The following GNAO1 variants were observed in gnomAD, a reference collection of about 807,000 sequenced individuals.
GNAO1 encodes guanine nucleotide-binding protein G(o) subunit alpha.
For synonymous variants in GNAO1, 164 were observed against 180.7 expected (o/e 0.91, Z 0.74); for missense variants, 166 against 478.7 (o/e 0.35, Z 6.10).
At chr16:56,349,550 G>A (rs1342578950) in intron 6 of GNAO1, among the ~76,000 whole-genome samples, 1 of 152,228 alleles carries the variant, frequency 6.6e-6, no homozygotes, top group Non-Finnish European at 1.5e-5. Flanking sequence ...CTCCTCCCCG[G>A]AGGGATCACA....
chr16:56,339,338 G>A (rs187944141), intron 6 of GNAO1, among the ~76,000 whole-genome samples: 27 of 152,318 alleles, frequency 1.8e-4, no homozygotes, highest in East Asian at 1.4e-3. Context: ...ATGGACCACC[G>A]GGCTAAAAGC....
intron 6 of GNAO1, chr16:56,346,208 C>G: frequency 2.0e-6 from 2 of 984,936 alleles, no homozygotes; most frequent in African/African-American, 3.5e-5. Flanking sequence ...GTGCATGACA[C>G]CTGTCATCCA....
intron 2 of GNAO1, among the ~76,000 whole-genome samples, chr16:56,225,496 T>C (rs754922942): frequency 2.6e-5 from 4 of 152,028 alleles, no homozygotes; most frequent in Non-Finnish European, 5.9e-5. Context: ...CTAGCAGAAA[T>C]TGTTTGGGCT....
chr16:56,338,052 C>T (rs541588862), intron 6 of GNAO1, among the ~76,000 whole-genome samples: 2 of 152,290 alleles, frequency 1.3e-5, no homozygotes, highest in Non-Finnish European at 1.5e-5. Context: ...TCTGTTTCCT[C>T]GTCATTTCTG....
chr16:56,341,009 G>T, intron 6 of GNAO1: 1 of 1,605,162 alleles, frequency 6.2e-7, no homozygotes, highest in Non-Finnish European at 8.5e-7. Context: ...TCCAGGGACA[G>T]CAGGCCCCCG....
chr16:56,340,631 C>A, intron 6 of GNAO1: 1 of 615,268 alleles, frequency 1.6e-6, no homozygotes, highest in East Asian at 2.6e-5. Context: ...CCGCCCCGCC[C>A]TGCCTGCGTG....
At chr16:56,346,711 G>A (rs1336107058) in intron 6 of GNAO1, 13 of 985,550 alleles carry the variant, frequency 1.3e-5, no homozygotes, top group Non-Finnish European at 1.4e-5. Context: ...CTGCCAGGAC[G>A]CAGCTGTCTC....
At chr16:56,228,794 CA>C (rs148406430) in intron 2 of GNAO1, among the ~76,000 whole-genome samples, 2,639 of 152,318 alleles carry the variant, frequency 0.017, 48 homozygotes, top group South Asian at 0.052. Context: ...ACTTTAAGAC[CA>C]CCCTATGTAA....
chr16:56,355,125 TACACACAC>T (rs59437828), intron 8 of GNAO1, 44 bp downstream of exon 8: 119 of 556,274 alleles, frequency 2.1e-4, no homozygotes, highest in Middle Eastern at 1.6e-3. Context: ...TGCGCGCGCA[TACACACAC>T]ACACACACAC....
intron 3 of GNAO1, among the ~76,000 whole-genome samples, chr16:56,297,323 C>G (rs955074835): frequency 1.3e-5 from 2 of 152,140 alleles, no homozygotes; most frequent in African/African-American, 4.8e-5. Context: ...CATGAGCCGG[C>G]ACCACCTTGA....
chr16:56,296,216 G>A (rs1391601413), intron 3 of GNAO1, among the ~76,000 whole-genome samples: 3 of 152,178 alleles, frequency 2.0e-5, no homozygotes, highest in Non-Finnish European at 4.4e-5. Flanking sequence ...TTCCTGTTTT[G>A]TGGCAGCTCT....
At chr16:56,340,898 C>A (rs761819608) in intron 6 of GNAO1, 1 of 1,613,482 alleles carries the variant, frequency 6.2e-7, no homozygotes, top group South Asian at 1.1e-5. Flanking sequence ...TTCACAGACA[C>A]GTCCATCATC....
At chr16:56,337,078 G>A (rs2037747550) in intron 6 of GNAO1, among the ~76,000 whole-genome samples, 1 of 152,256 alleles carries the variant, frequency 6.6e-6, no homozygotes, top group South Asian at 2.1e-4. Context: ...GGCAGAGCCT[G>A]TGTATGCAAC....
chr16:56,236,030 G>GAA (rs1167931918), intron 2 of GNAO1, among the ~76,000 whole-genome samples: 1 of 152,176 alleles, frequency 6.6e-6, no homozygotes, highest in East Asian at 1.9e-4. Context: ...TTGACTTGGA[G>GAA]AAGCTGGGTA....
At chr16:56,323,413 G>C (rs1378656831) in intron 3 of GNAO1, among the ~76,000 whole-genome samples, 1 of 152,208 alleles carries the variant, frequency 6.6e-6, no homozygotes, top group Non-Finnish European at 1.5e-5. Flanking sequence ...TGTGGAGTCT[G>C]ATCCTTGACC....
At chr16:56,307,930 G>C (rs757437631) in intron 3 of GNAO1, 1 of 152,376 alleles carries the variant, frequency 6.6e-6, no homozygotes, top group Middle Eastern at 3.4e-3. Flanking sequence ...GGGTTCCACT[G>C]TGGCGCCATT....
intron 3 of GNAO1, among the ~76,000 whole-genome samples, chr16:56,280,808 C>T (rs2037107071): frequency 6.6e-6 from 1 of 152,180 alleles, no homozygotes; most frequent in Non-Finnish European, 1.5e-5. Context: ...TGGGGCCGGA[C>T]CACAGAGGGT....
At chr16:56,225,503 G>A (rs1470643450) in intron 2 of GNAO1, among the ~76,000 whole-genome samples, 1 of 152,148 alleles carries the variant, frequency 6.6e-6, no homozygotes, top group African/African-American at 2.4e-5. Flanking sequence ...AAATTGTTTG[G>A]GCTCTAGCTA....
At position 56,213,229 on chromosome 16, in the gene GNAO1, G is replaced by A. The variant is rs1382459287; in HGVS notation, c.161+20613G>A. 2.5e-5 allele frequency: 10 copies of A among 398,364 alleles called. 1 individual carries two copies. The highest frequency in any genetic ancestry group is 6.2e-4 in the Middle Eastern group (1 of 1,610). The allele number at this position is 398,364 out of a possible 1,614,324, so 24.7% of individuals were successfully genotyped here. A position where few individuals can be genotyped will look rare whatever the true frequency, so the allele number is the denominator to read the frequency against. On this transcript the variant is annotated intron_variant, in intron 2 of 8. Coordinates refer to ENST00000262493, the MANE Select transcript of GNAO1 (RefSeq NM_020988.3). ...TTATTTGGTTAAAATGCTTTCCATC[G>A]AGGTTATTCTTTCTTTCTTCTTTTT...
Sources: gnomAD v4.1 joint callset for allele counts (sites outside exome capture counted in the v4.1 genomes callset) on GRCh38, gnomAD v4.1.1 for gene constraint, MANE v1.5 for transcripts, NCBI Gene and HGNC (gene_info 2026-07-23, HGNC 2026-07-21) for gene names.